MAGI2: variants seen among roughly 807,000 people sequenced by gnomAD.
MAGI2 encodes membrane-associated guanylate kinase, WW and PDZ domain-containing protein 2.
A neutral mutation model predicts 133.3 loss-of-function variants in MAGI2; 35 were observed. The ratio of observed to expected loss-of-function variants is 0.26; its 90% CI spans 0.20 to 0.35. MAGI2 has a LOEUF of 0.35. Among genes scored for constraint, MAGI2 ranks in the 10% least tolerant of loss-of-function variants. The pLI, the probability that MAGI2 is intolerant of heterozygous loss-of-function variation, is 1.00. For missense variants in MAGI2, 1,636 were observed against 1,863.4 expected (o/e 0.88, Z 2.25); for synonymous variants, 729 against 710.6 (o/e 1.03, Z -0.41).
At chr7:78,406,980 C>T (rs1057295927) in intron 6 of MAGI2, among the ~76,000 whole-genome samples, 1 of 151,680 alleles carries the variant, frequency 6.6e-6, no homozygotes, top group Non-Finnish European at 1.5e-5. Context: ...ACATGCAGCA[C>T]AAAAAAAGCC....
chr7:78,104,327 A>G (rs368691472), intron 20 of MAGI2, among the ~76,000 whole-genome samples: 5,925 of 151,854 alleles, frequency 0.039, 129 homozygotes, highest in East Asian at 0.065. Context: ...GGTTCGCGCC[A>G]TTCTCCTGCC....
intron 1 of MAGI2, among the ~76,000 whole-genome samples, chr7:79,403,804 T>G (rs80114864): frequency 6.6e-6 from 1 of 152,280 alleles, no homozygotes; most frequent in Admixed American, 6.5e-5. Flanking sequence ...GTAAATCTGA[T>G]AAGTCAACAT....
At chr7:79,016,915 C>A (rs1808791079) in intron 1 of MAGI2, among the ~76,000 whole-genome samples, 1 of 152,248 alleles carries the variant, frequency 6.6e-6, no homozygotes. Context: ...CCCATGCCTG[C>A]CAGTGCCACA....
Position 78,152,478 on chromosome 7 carries a change from G to A in MAGI2, c.2845+7547C>T, listed in dbSNP as rs969811981. 6.6e-5 allele frequency among the ~76,000 whole-genome samples: 10 copies of A among 152,310 alleles called. No homozygotes were observed. In the East Asian group the frequency reaches 7.7e-4, roughly 12 times the overall value. ...GAGGACTGGATTGTATGTAGAAAGT[G>A]TGGTCTTTCTTGATGTACTTTGTAT... On this transcript the variant is annotated intron_variant, in intron 16 of 21. Transcript: ENST00000354212.
chr7:78,499,029 T>C (rs1452687921), intron 5 of MAGI2, among the ~76,000 whole-genome samples: 2 of 146,798 alleles, frequency 1.4e-5, no homozygotes, highest in African/African-American at 5.2e-5. Context: ...CCTCCAACAT[T>C]AGGAAGATTA....
intron 2 of MAGI2, among the ~76,000 whole-genome samples, chr7:78,871,346 G>C (rs1238594269): frequency 6.6e-6 from 1 of 151,828 alleles, no homozygotes; most frequent in Non-Finnish European, 1.5e-5. Context: ...ATGGACTTTG[G>C]GGACTCAGGG....
In MAGI2 at chr7:78,657,112, G is replaced by A. The variant is rs1584989901; in HGVS notation, c.419-29873C>T. On this transcript the variant is annotated intron_variant, in intron 2 of 21. Transcript: ENST00000354212. ...ATCATATGTCATCAGGGCAAAGCAA[G>A]TTAAAATAACAATGAGATACTACTA... Among the ~76,000 whole-genome samples, 4 of 152,172 alleles carry A rather than the reference G, an allele frequency of 2.6e-5. 1 individual carries two copies.
At chr7:78,756,556 C>T (rs1823967606) in intron 2 of MAGI2, among the ~76,000 whole-genome samples, 1 of 152,094 alleles carries the variant, frequency 6.6e-6, no homozygotes, top group African/African-American at 2.4e-5. Context: ...CATTTGGCAG[C>T]TATGTTTGCA....
intron 1 of MAGI2, among the ~76,000 whole-genome samples, chr7:79,248,140 CAA>C (rs1832956025): frequency 1.3e-5 from 2 of 151,836 alleles, no homozygotes; most frequent in South Asian, 4.2e-4. Flanking sequence ...CCCATAAAGA[CAA>C]AAATAGACTA....
intron 3 of MAGI2, among the ~76,000 whole-genome samples, chr7:78,534,537 TCTG>T (rs571090367): frequency 1.1e-3 from 165 of 152,336 alleles, no homozygotes; most frequent in Non-Finnish European, 1.9e-3. Flanking sequence ...TAGCAACATT[TCTG>T]CTGATTAGCC....
At chr7:78,557,482 T>G (rs1265045718) in intron 3 of MAGI2, among the ~76,000 whole-genome samples, 1 of 152,158 alleles carries the variant, frequency 6.6e-6, no homozygotes, top group African/African-American at 2.4e-5. Flanking sequence ...CCCATCTTAC[T>G]TAGAAGTATT....
intron 2 of MAGI2, among the ~76,000 whole-genome samples, chr7:78,868,534 A>C (rs957673692): frequency 6.6e-6 from 1 of 152,202 alleles, no homozygotes; most frequent in Non-Finnish European, 1.5e-5. Flanking sequence ...TATTGTAAAA[A>C]AGGATGAGAG....
rs750461786 is a variant in MAGI2 at position 78,168,187 on chromosome 7, G to A, written c.2404-79C>T. On this transcript the variant is annotated intron_variant, in intron 14 of 21. Transcript: ENST00000354212. ...TTTTTTTTTTTCGAAACAGAGTCTCGCTTCGTTGCCCAAGCTGAAGTACAG... is the reference window on the plus strand; with the variant it reads ...TTTTTTTTTTTCGAAACAGAGTCTCACTTCGTTGCCCAAGCTGAAGTACAG... The A allele has an allele frequency of 5.7e-5, 76 of 1,324,766 alleles. No homozygotes were observed. In the Middle Eastern group the frequency reaches 5.7e-3, roughly 100 times the overall value. 82.1% of individuals were successfully genotyped at this position (1,324,766 alleles called of 1,614,324 possible). A position where few individuals can be genotyped will look rare whatever the true frequency, so the allele number is the denominator to read the frequency against.
At chr7:78,736,672 G>C (rs1821879604) in intron 2 of MAGI2, among the ~76,000 whole-genome samples, 1 of 151,952 alleles carries the variant, frequency 6.6e-6, no homozygotes, top group African/African-American at 2.4e-5. Flanking sequence ...ATATTTGCAT[G>C]CTGGTACAGA....
chr7:78,922,558 T>C (rs1357246351), intron 2 of MAGI2, among the ~76,000 whole-genome samples: 1 of 152,080 alleles, frequency 6.6e-6, no homozygotes, highest in Non-Finnish European at 1.5e-5. Context: ...TTCCATGGTG[T>C]ATATGTGCCA....
chr7:78,157,432 T>G (rs562337207), intron 16 of MAGI2, among the ~76,000 whole-genome samples: 1 of 152,340 alleles, frequency 6.6e-6, no homozygotes, highest in South Asian at 2.1e-4. Flanking sequence ...TTGCACCTAT[T>G]GTTTTCCAAA....
At chr7:78,435,967 T>C (rs1222843399) in intron 6 of MAGI2, among the ~76,000 whole-genome samples, 1 of 152,060 alleles carries the variant, frequency 6.6e-6, no homozygotes, top group Non-Finnish European at 1.5e-5. Flanking sequence ...CAAGGTCAAA[T>C]GGGAAACAGG....
intron 3 of MAGI2, among the ~76,000 whole-genome samples, chr7:78,543,581 TA>T (rs1798586490): frequency 6.6e-6 from 1 of 152,240 alleles, no homozygotes; most frequent in African/African-American, 2.4e-5. Context: ...AAATCCTTAG[TA>T]ATTTAGATGA....
rs1443387548 is a variant in MAGI2 at position 78,472,508 on chromosome 7, T to C, written c.1045+17253A>G. ...CTTTTTTAATAATAAGAAAAAAATTTAAGGATTGCACATTGCCCTTGAAGA... is the reference window on the plus strand; with the variant it reads ...CTTTTTTAATAATAAGAAAAAAATTCAAGGATTGCACATTGCCCTTGAAGA... On this transcript the variant is annotated intron_variant, in intron 6 of 21. Coordinates refer to ENST00000354212, the MANE Select transcript of MAGI2 (RefSeq NM_012301.4). Among the ~76,000 whole-genome samples the C allele has an allele frequency of 2.6e-5, 4 of 152,210 alleles. No individual in the cohort carries two copies. The East Asian group carries it at 7.8e-4, about 29-fold the overall frequency.
Sources: allele counts gnomAD v4.1 joint callset (sites outside exome capture counted in the v4.1 genomes callset), GRCh38; gene constraint gnomAD v4.1.1; transcripts MANE v1.5; gene names NCBI Gene and HGNC (gene_info 2026-07-23, HGNC 2026-07-21).